The following WWTR1 variants were observed in gnomAD, a reference collection of about 807,000 sequenced individuals.
WWTR1 encodes WW domain containing transcription regulator 1.
Under a neutral mutation model 40.1 loss-of-function variants are expected in WWTR1, and 13 were observed. That is an observed-to-expected ratio of 0.32 (90% CI 0.21 to 0.52). WWTR1 has a LOEUF of 0.52. Among genes scored for constraint, WWTR1 ranks in the 20% least tolerant of loss-of-function variants. WWTR1 has a pLI of 0.97. For synonymous variants in WWTR1, 230 were observed against 210.1 expected, an observed-to-expected ratio of 1.09 and a Z score of -0.82; for missense variants, 436 against 523.1, an observed-to-expected ratio of 0.83 and a Z score of 1.63.
At chr3:149,528,261 C>T (rs1475763988) in intron 4 of WWTR1, among the ~76,000 whole-genome samples, 1 of 152,158 alleles carries the variant, frequency 6.6e-6, no homozygotes, top group Non-Finnish European at 1.5e-5. Flanking sequence ...TCATAGAAAG[C>T]CCTCTCAAAA....
intron 2 of WWTR1, among the ~76,000 whole-genome samples, chr3:149,594,151 A>T (rs1211390548): frequency 1.3e-5 from 2 of 152,166 alleles, no homozygotes; most frequent in East Asian, 3.9e-4. Context: ...AATTACCTCC[A>T]TTTTTTTCAA....
intron 2 of WWTR1, among the ~76,000 whole-genome samples, chr3:149,655,299 G>T (rs1178198888): frequency 6.6e-6 from 1 of 151,832 alleles, no homozygotes; most frequent in South Asian, 2.1e-4. Flanking sequence ...ACAAAAATTA[G>T]CCAGGCGTGG....
chr3:149,600,616 G>A (rs1739199491), intron 2 of WWTR1, among the ~76,000 whole-genome samples: 1 of 152,264 alleles, frequency 6.6e-6, no homozygotes, highest in East Asian at 1.9e-4. Context: ...TGGAAATAAA[G>A]CACCTTCCTC....
intron 1 of WWTR1, among the ~76,000 whole-genome samples, chr3:149,694,042 A>G (rs1052092733): frequency 1.3e-5 from 2 of 152,218 alleles, no homozygotes; most frequent in Admixed American, 6.5e-5. Context: ...GGATATTATC[A>G]ATGAAGTGAA....
In WWTR1 at chr3:149,526,001, C is replaced by A; in HGVS notation, c.1018+12G>T. ...CAAACCCATTGTAAGTGCTTGCAGG[C>A]TTTGCTCCTACCTGTATCCATCTCA... is the stretch of plus-strand genomic sequence containing the variant. On this transcript the variant is annotated intron_variant, in intron 6 of 6. Coordinates refer to ENST00000360632, the MANE Select transcript of WWTR1 (RefSeq NM_015472.6). The A allele has an allele frequency of 6.5e-7, 1 of 1,541,874 alleles. No individual in the cohort carries two copies. The highest frequency in any genetic ancestry group is 8.8e-7 in the Non-Finnish European group (1 of 1,140,862).
intron 2 of WWTR1, among the ~76,000 whole-genome samples, chr3:149,620,564 T>A (rs56073118): frequency 2.7e-5 from 4 of 148,600 alleles, no homozygotes; most frequent in African/African-American, 9.9e-5. Context: ...CCTCCACCGC[T>A]CCCCCCCACA....
chr3:149,581,270 G>GTAA (rs937058115), intron 2 of WWTR1, among the ~76,000 whole-genome samples: 1 of 151,568 alleles, frequency 6.6e-6, no homozygotes, highest in Non-Finnish European at 1.5e-5. Flanking sequence ...ATACAAAGAG[G>GTAA]TAAAAGTCAA....
In WWTR1 at chr3:149,529,903, CA is replaced by C. The variant is rs201058667; in HGVS notation, c.772-1935del. ...CTTTTGACTCATAACCCTCATTATC[CA>C]AAAACATGAACTTTACTAGAATATT... On this transcript the variant is annotated intron_variant, in intron 4 of 6. Coordinates refer to ENST00000360632, the MANE Select transcript of WWTR1 (RefSeq NM_015472.6). 3.3e-5 allele frequency among the ~76,000 whole-genome samples: 5 copies of C among 152,136 alleles called. No individual in the cohort carries two copies. The East Asian group carries it at 9.6e-4, about 29-fold the overall frequency.
At chr3:149,650,928 C>A (rs757841557) in intron 2 of WWTR1, among the ~76,000 whole-genome samples, 1 of 152,216 alleles carries the variant, frequency 6.6e-6, no homozygotes, top group Non-Finnish European at 1.5e-5. Context: ...AATCACCTGA[C>A]CCCTATTGCC....
intron 2 of WWTR1, among the ~76,000 whole-genome samples, chr3:149,613,205 G>A (rs1212029332): frequency 1.3e-5 from 2 of 152,166 alleles, no homozygotes; most frequent in Non-Finnish European, 2.9e-5. Context: ...AGTCTCAGAA[G>A]GCAAGACCAG....
chr3:149,723,974 C>G (rs1259410431), intron 4 of WWTR1: 1 of 152,216 alleles, frequency 6.6e-6, no homozygotes, highest in South Asian at 2.1e-4. Context: ...GGGTGGTTAG[C>G]TGCTACTGTG....
At chr3:149,560,529 A>G (rs901605657) in intron 3 of WWTR1, among the ~76,000 whole-genome samples, 3 of 152,232 alleles carry the variant, frequency 2.0e-5, no homozygotes, top group Admixed American at 6.5e-5. Context: ...TAATTCAGGC[A>G]TTACAGCAGT....
intron 4 of WWTR1, among the ~76,000 whole-genome samples, chr3:149,718,003 T>A (rs897946377): frequency 6.6e-6 from 1 of 152,144 alleles, no homozygotes; most frequent in Non-Finnish European, 1.5e-5. Flanking sequence ...TGATTTATAC[T>A]GAAAAATAAG....
At chr3:149,668,121 G>A (rs1200394118) in intron 2 of WWTR1, among the ~76,000 whole-genome samples, 2 of 152,130 alleles carry the variant, frequency 1.3e-5, no homozygotes, top group Admixed American at 1.3e-4. Context: ...CTGGTTAATG[G>A]CTTTTAGGGA....
intron 2 of WWTR1, among the ~76,000 whole-genome samples, chr3:149,580,329 C>T (rs1738083276): frequency 6.6e-6 from 1 of 152,146 alleles, no homozygotes; most frequent in South Asian, 2.1e-4. Context: ...GGGTGGTATG[C>T]ACACTTACTA....
chr3:149,628,885 C>T (rs1711498587), intron 2 of WWTR1, among the ~76,000 whole-genome samples: 1 of 151,958 alleles, frequency 6.6e-6, no homozygotes, highest in Non-Finnish European at 1.5e-5. Flanking sequence ...GTGATCTTCC[C>T]ACCTCAGCCT....
Position 149,638,164 on chromosome 3 carries a change from C to T in WWTR1, c.431+18712G>A, listed in dbSNP as rs529784114. 2.9e-4 allele frequency among the ~76,000 whole-genome samples: 44 copies of T among 152,000 alleles called. No homozygotes were observed. In the South Asian group the frequency reaches 8.7e-3, roughly 30 times the overall value. On this transcript the variant is annotated intron_variant, in intron 2 of 6. Transcript: ENST00000360632. The stretch of plus-strand genomic sequence containing the variant: ...CCAGGAGGCAGAGGTTGCAGGAAGC[C>T]AAGATTGCACCATTGCACTCCAGCC...
chr3:149,594,784 G>A (rs567731912), intron 2 of WWTR1, among the ~76,000 whole-genome samples: 37 of 151,502 alleles, frequency 2.4e-4, no homozygotes, highest in African/African-American at 8.7e-4. Flanking sequence ...GAACAACTGG[G>A]GGAATTTGAA....
intron 2 of WWTR1, among the ~76,000 whole-genome samples, chr3:149,603,915 C>T (rs141915761): frequency 1.1e-4 from 16 of 148,802 alleles, no homozygotes; most frequent in East Asian, 5.9e-4. Flanking sequence ...AACACATTGG[C>T]CACATCTAAG....
Sources: allele counts gnomAD v4.1 joint callset (sites outside exome capture counted in the v4.1 genomes callset), GRCh38; gene constraint gnomAD v4.1.1; transcripts MANE v1.5; gene names NCBI Gene and HGNC (gene_info 2026-07-23, HGNC 2026-07-21).